Variants in NDE1 observed in about 807,000 individuals in gnomAD.
NDE1 encodes the protein nudE neurodevelopment protein 1, also known as nuclear distribution protein nudE homolog 1.
Under a neutral mutation model 43.4 loss-of-function variants are expected in NDE1, and 28 were observed. That is an observed-to-expected ratio of 0.65 (90% confidence interval 0.48 to 0.89). The LOEUF (loss-of-function observed/expected upper bound fraction) is 0.89, where lower values mean the gene tolerates loss of function less well. Ranked by LOEUF, NDE1 falls within the 40% of genes least tolerant of loss-of-function variation. The pLI is 0.00. For synonymous variants in NDE1, 184 were observed against 172.0 expected, an observed-to-expected ratio of 1.07 and a Z score of -0.55; for missense variants, 441 against 434.1, an observed-to-expected ratio of 1.02 and a Z score of -0.14.
chr16:15,665,438 A>G (rs2037252862), intron 2 of NDE1, among the ~76,000 whole-genome samples: 1 of 150,608 alleles, frequency 6.6e-6, no homozygotes, highest in African/African-American at 2.4e-5. Flanking sequence ...TTGTTTTCTT[A>G]TTTTCTTTTT....
chr16:15,691,760 C>T (rs1463342151), intron 6 of NDE1, among the ~76,000 whole-genome samples: 1 of 151,266 alleles, frequency 6.6e-6, no homozygotes, highest in African/African-American at 2.4e-5. Context: ...CCCACCTCAT[C>T]CTCCGGAGTA....
At chr16:15,660,992 T>C (rs534652285) in intron 1 of NDE1, among the ~76,000 whole-genome samples, 10 of 152,246 alleles carry the variant, frequency 6.6e-5, no homozygotes, top group African/African-American at 1.9e-4. Flanking sequence ...AAAAACCAGC[T>C]ATAGACGCAT....
At position 15,696,787 on chromosome 16, in the gene NDE1, G is replaced by C; in HGVS notation, c.874G>C (p.Gly292Arg). The C allele has an allele frequency of 6.2e-7, 1 of 1,614,202 alleles. No individual in the cohort carries two copies. The highest frequency in any genetic ancestry group is 8.5e-7 in the Non-Finnish European group (1 of 1,180,032). ...AAACCGAACAGGTGGCCCAGCCTCT[G>C]GGCGGAGCAGCAAGAACAGAGATGG... is the stretch of plus-strand genomic sequence containing the variant. ...SPNRTGGPASGRSSKNRDGGE... is the reference protein window; with the variant it reads ...SPNRTGGPASRRSSKNRDGGE... The change falls in exon 8 of 9, where the codon GGG (glycine) becomes CGG (arginine). Residue 292 changes from glycine (G) to arginine (R), a missense_variant. Physicochemically the swap from Gly to Arg is moderately radical, Grantham distance 125. Transcript: ENST00000396354.
In NDE1 at chr16:15,700,012, C is replaced by T. The variant is rs551252267; in HGVS notation, c.947+3152C>T. ...TCTGGGGTTTGTCCCTGGGAAATGTCTTTTCATCCTTACCTGCCACCGTGT... is the reference window on the plus strand; with the variant it reads ...TCTGGGGTTTGTCCCTGGGAAATGTTTTTTCATCCTTACCTGCCACCGTGT... On this transcript the variant is annotated intron_variant, in intron 8 of 8. Coordinates refer to ENST00000396354, the MANE Select transcript of NDE1 (RefSeq NM_017668.3). 1.9e-4 allele frequency: 222 copies of T among 1,186,600 alleles called. 2 individuals are homozygous for T. The South Asian group carries it at 3.3e-3, about 18-fold the overall frequency. The allele number at this position is 1,186,600 out of a possible 1,614,324, so 73.5% of individuals were successfully genotyped here.
chr16:15,694,408 T>G, intron 7 of NDE1, 152 bp downstream of exon 7: 1 of 1,504,634 alleles, frequency 6.6e-7, no homozygotes, highest in Non-Finnish European at 8.9e-7. Context: ...TGTAGTGGTA[T>G]GATCACAACT....
intron 3 of NDE1, 28 bp downstream of exon 3, chr16:15,667,467 G>C (rs1176460375): frequency 8.1e-6 from 13 of 1,612,560 alleles, no homozygotes; most frequent in Non-Finnish European, 1.1e-5. Context: ...AGTGTGCTCA[G>C]GTGTAGACAG....
intron 1 of NDE1, among the ~76,000 whole-genome samples, chr16:15,653,614 T>C (rs1378903760): frequency 6.6e-6 from 1 of 152,048 alleles, no homozygotes; most frequent in East Asian, 1.9e-4. Context: ...TGAAAGAGAT[T>C]GCTTTGCTTT....
At chr16:15,655,469 A>G (rs1438080483) in intron 1 of NDE1, among the ~76,000 whole-genome samples, 2 of 152,310 alleles carry the variant, frequency 1.3e-5, no homozygotes, top group Middle Eastern at 3.4e-3. Context: ...TTGAATGGCA[A>G]AGGCAAAAAT....
chr16:15,695,495 CA>C (rs3073434), intron 7 of NDE1: 112,763 of 892,742 alleles, frequency 0.13, 2,647 homozygotes, highest in African/African-American at 0.41. Context: ...GACTTGGTCT[CA>C]AAAAAAAAAA....
chr16:15,667,420 T>G lies in NDE1; in HGVS notation c.218T>G (p.Met73Arg), dbSNP rs778943871. 1.2e-6 allele frequency: 2 copies of G among 1,613,736 alleles called. No individual in the cohort carries two copies. Among genetic ancestry groups the G allele is most frequent in the Middle Eastern group, 1.7e-4 (1 of 6,050 alleles). ...CTGTCCGAAAATAACCGCCTTCGCA[T>G]GGAGCTGGAAACCATCAAGGTGAGG... is the stretch of plus-strand genomic sequence containing the variant. ...DLLSENNRLR[M>R]ELETIKEKFE... is the part of the protein sequence containing the mutation. The change falls in exon 3 of 9, where the codon ATG (methionine) becomes AGG (arginine). Residue 73 changes from methionine (M) to arginine (R), a missense_variant. Coordinates refer to ENST00000396354, the MANE Select transcript of NDE1 (RefSeq NM_017668.3).
chr16:15,714,843 G>T, intron 8 of NDE1: 1 of 1,596,184 alleles, frequency 6.3e-7, no homozygotes, highest in South Asian at 1.1e-5. Context: ...GCCGAAAGGA[G>T]CCCGAGCCCC....
chr16:15,647,392 G>A (rs1018617633), upstream of NDE1, among the ~76,000 whole-genome samples: 4 of 152,190 alleles, frequency 2.6e-5, no homozygotes, highest in Non-Finnish European at 5.9e-5. Flanking sequence ...TTAATTACTA[G>A]TTGTAAGACC....
intron 3 of NDE1, among the ~76,000 whole-genome samples, chr16:15,675,695 G>A (rs978984790): frequency 1.3e-5 from 2 of 152,062 alleles, no homozygotes; most frequent in Admixed American, 6.6e-5. Context: ...GAAAGTGCTG[G>A]GATTACAGGC....
At chr16:15,710,076 C>T (rs1487042527) in intron 8 of NDE1, among the ~76,000 whole-genome samples, 1 of 152,206 alleles carries the variant, frequency 6.6e-6, no homozygotes, top group Non-Finnish European at 1.5e-5. Flanking sequence ...CCAAAAGATG[C>T]AGAAGGCAGG....
chr16:15,652,586 A>G (rs1231201024), intron 1 of NDE1, among the ~76,000 whole-genome samples: 1 of 152,220 alleles, frequency 6.6e-6, no homozygotes, highest in Non-Finnish European at 1.5e-5. Context: ...CACAGTAGGA[A>G]AAATTCTTTC....
intron 1 of NDE1, among the ~76,000 whole-genome samples, chr16:15,661,412 T>C (rs1409752682): frequency 6.6e-6 from 1 of 152,146 alleles, no homozygotes; most frequent in African/African-American, 2.4e-5. Context: ...CCTCCCAAAG[T>C]GCTGGGATTA....
intron 8 of NDE1, chr16:15,708,922 G>T (rs1278634767): frequency 1.8e-5 from 24 of 1,367,696 alleles, no homozygotes; most frequent in Non-Finnish European, 1.0e-6. Context: ...AATTGTTAAA[G>T]ACATTTGCTT....
chr16:15,719,454 C>T (rs919667524), intron 8 of NDE1: 162 of 1,495,830 alleles, frequency 1.1e-4, no homozygotes, highest in Admixed American at 1.4e-4. Context: ...AGGAGGGAAG[C>T]GTGTGTCTTT....
At chr16:15,688,354 G>T (rs1052174501) in intron 5 of NDE1, among the ~76,000 whole-genome samples, 3 of 151,106 alleles carry the variant, frequency 2.0e-5, no homozygotes, top group Non-Finnish European at 4.4e-5. Flanking sequence ...GAGGCATTTG[G>T]CCAGGCACAG....
Sources: allele counts gnomAD v4.1 joint callset (sites outside exome capture counted in the v4.1 genomes callset), GRCh38; gene constraint gnomAD v4.1.1; transcripts MANE v1.5; gene names NCBI Gene and HGNC (gene_info 2026-07-23, HGNC 2026-07-21).